TBX5: variants seen among roughly 807,000 people sequenced by gnomAD.
TBX5 encodes the protein T-box transcription factor TBX5.
Under a neutral mutation model 51.1 loss-of-function variants are expected in TBX5, and 8 were observed. The observed-to-expected ratio is 0.16, with a 90% CI of 0.09 to 0.28. The LOEUF is 0.28. TBX5 is among the 10% of genes least tolerant of loss of function. The pLI is 1.00. For missense variants in TBX5, 589 were observed against 671.7 expected, an observed-to-expected ratio of 0.88 and a Z score of 1.36; for synonymous variants, 302 against 266.4, an observed-to-expected ratio of 1.13 and a Z score of -1.30.
chr12:114,407,843 G>T (rs777744983), upstream of TBX5: 1 of 985,378 alleles, frequency 1.0e-6, no homozygotes, highest in Non-Finnish European at 1.2e-6. Context: ...TCTTTGGAGC[G>T]CAAAAGCCAG....
intron 8 of TBX5, among the ~76,000 whole-genome samples, chr12:114,358,959 A>G (rs896804958): frequency 6.6e-6 from 1 of 152,122 alleles, no homozygotes; most frequent in African/African-American, 2.4e-5. Flanking sequence ...GGGTTTTCCA[A>G]TTAACCAGGG....
chr12:114,377,127 C>T (rs1247956889), intron 7 of TBX5, among the ~76,000 whole-genome samples: 1 of 152,180 alleles, frequency 6.6e-6, no homozygotes, highest in East Asian at 1.9e-4. Context: ...AGGTAAATTA[C>T]AACCCTAAGA....
intron 1 of TBX5, 49 bp downstream of exon 1, chr12:114,405,579 C>T (rs987431213): frequency 2.0e-6 from 1 of 492,572 alleles, no homozygotes; most frequent in Non-Finnish European, 2.6e-6. Flanking sequence ...GCCGACTCGG[C>T]CGACGAGCTC....
In TBX5 at chr12:114,387,662, T is replaced by G. The variant is rs528056954; in HGVS notation, c.664-2095A>C. On this transcript the variant is annotated intron_variant, in intron 6 of 8. Coordinates refer to ENST00000405440, the MANE Select transcript of TBX5 (RefSeq NM_181486.4). ...GTGGGCCCTAAGGTGAACTATGGAC[T>G]CTGGGTGATGATGATGTGTCAGTGT... is the stretch of plus-strand genomic sequence containing the variant. 7.9e-5 allele frequency among the ~76,000 whole-genome samples: 12 copies of G among 152,308 alleles called. No homozygotes were observed. In the South Asian group the frequency reaches 2.5e-3, roughly 32 times the overall value.
chr12:114,386,108 T>C (rs902609728), intron 6 of TBX5, among the ~76,000 whole-genome samples: 22 of 152,204 alleles, frequency 1.4e-4, no homozygotes, highest in Non-Finnish European at 1.5e-5. Context: ...TGGTGGAAAA[T>C]GGTGCCTAAT....
At chr12:114,374,929 G>A (rs1008251962) in intron 7 of TBX5, among the ~76,000 whole-genome samples, 1 of 152,200 alleles carries the variant, frequency 6.6e-6, no homozygotes, top group African/African-American at 2.4e-5. Flanking sequence ...ATGGATAGGT[G>A]AGTGGATGGA....
intron 8 of TBX5, among the ~76,000 whole-genome samples, chr12:114,358,487 T>C (rs1869040856): frequency 1.3e-5 from 2 of 152,180 alleles, no homozygotes; most frequent in Non-Finnish European, 2.9e-5. Flanking sequence ...CAGCTCCATT[T>C]GTATCAATGT....
chr12:114,359,393 T>C (rs900371916), intron 8 of TBX5, among the ~76,000 whole-genome samples: 2 of 152,190 alleles, frequency 1.3e-5, no homozygotes, highest in African/African-American at 4.8e-5. Context: ...GAGAGCCCAA[T>C]AACTGTTCAA....
chr12:114,360,805 G>GTTT (rs1869199044), intron 8 of TBX5, among the ~76,000 whole-genome samples: 1 of 151,998 alleles, frequency 6.6e-6, no homozygotes, highest in African/African-American at 2.4e-5. Context: ...TGTTGTTGTT[G>GTTT]TTTTTGTTGT....
rs1426939289 is a variant in TBX5 at position 114,355,377 on chromosome 12, C to T, written c.*155G>A. ...TGTGGTTTCAAGCTACTGATTAGATCAGCATCCAGCGACCTTGAGTGCAGA... is the reference window on the plus strand; with the variant it reads ...TGTGGTTTCAAGCTACTGATTAGATTAGCATCCAGCGACCTTGAGTGCAGA... On this transcript the variant is annotated 3_prime_UTR_variant, in exon 9 of 9. Coordinates refer to ENST00000405440, the MANE Select transcript of TBX5 (RefSeq NM_181486.4). 8.7e-6 allele frequency: 8 copies of T among 919,370 alleles called. No individual in the cohort carries two copies. In the South Asian group the frequency reaches 9.9e-5, roughly 11 times the overall value. The allele number at this position is 919,370 out of a possible 1,614,324, so 57.0% of individuals were successfully genotyped here.
In TBX5 at chr12:114,401,709, C is replaced by G. The variant is rs1349274013; in HGVS notation, c.242+117G>C. ...CTCTCCTCTCCTTTCTCTTCTTTCT[C>G]TATATTCCCTCTCCTTTTGCCCCTT... On this transcript the variant is annotated intron_variant, in intron 3 of 8. Transcript: ENST00000405440. The G allele has an allele frequency of 4.5e-6, 4 of 894,998 alleles. No homozygotes were observed. The African/African-American group carries it at 6.6e-5, about 15-fold the overall frequency. The allele number at this position is 894,998 out of a possible 1,614,324, so 55.4% of individuals were successfully genotyped here.
At chr12:114,396,674 C>A (rs1871451132) in intron 5 of TBX5, among the ~76,000 whole-genome samples, 1 of 152,188 alleles carries the variant, frequency 6.6e-6, no homozygotes. Context: ...TCCCACTTCC[C>A]AGCGTCAAGG....
At chr12:114,365,581 C>G (rs748094535) in intron 8 of TBX5, among the ~76,000 whole-genome samples, 23 of 152,088 alleles carry the variant, frequency 1.5e-4, no homozygotes, top group Non-Finnish European at 3.4e-4. Context: ...GTAATCCCAG[C>G]ACTTTGGGAA....
intron 8 of TBX5, among the ~76,000 whole-genome samples, chr12:114,357,026 GGA>G (rs879851318): frequency 0.11 from 16,039 of 151,942 alleles, 982 homozygotes; most frequent in South Asian, 0.18. Flanking sequence ...ATGGATGGAT[GGA>G]TGCATGGATG....
intron 6 of TBX5, 77 bp downstream of exon 6, chr12:114,394,664 A>T (rs1871324184): frequency 5.0e-6 from 8 of 1,600,430 alleles, no homozygotes; most frequent in Non-Finnish European, 6.8e-6. Flanking sequence ...GCAAAGTTCC[A>T]GCAGGAAAAC....
intron 7 of TBX5, among the ~76,000 whole-genome samples, chr12:114,372,299 T>C (rs1453918937): frequency 6.6e-6 from 1 of 152,054 alleles, no homozygotes; most frequent in Non-Finnish European, 1.5e-5. Flanking sequence ...ACTTTCCCAT[T>C]GTCGGTTTTT....
At chr12:114,375,522 A>C (rs1381944378) in intron 7 of TBX5, among the ~76,000 whole-genome samples, 1 of 152,208 alleles carries the variant, frequency 6.6e-6, no homozygotes, top group Admixed American at 6.5e-5. Context: ...AATAGATAAG[A>C]GGTATAATAA....
chr12:114,382,954 G>A (rs530015764), intron 7 of TBX5, among the ~76,000 whole-genome samples: 220 of 147,534 alleles, frequency 1.5e-3, no homozygotes, highest in Non-Finnish European at 2.5e-3. Flanking sequence ...TCCAGCCTGA[G>A]CGACAGAGTG....
intron 8 of TBX5, among the ~76,000 whole-genome samples, chr12:114,357,326 T>G (rs1443322809): frequency 6.6e-6 from 1 of 152,162 alleles, no homozygotes; most frequent in Non-Finnish European, 1.5e-5. Context: ...AAAACTGCAT[T>G]GAAACACAAT....
Sources: allele counts gnomAD v4.1 joint callset (sites outside exome capture counted in the v4.1 genomes callset), GRCh38; gene constraint gnomAD v4.1.1; transcripts MANE v1.5; gene names NCBI Gene and HGNC (gene_info 2026-07-23, HGNC 2026-07-21).